The following ATG13 variants were observed in gnomAD, a reference collection of about 807,000 sequenced individuals.
The protein encoded by ATG13 is autophagy-related protein 13.
A neutral mutation model predicts 65.5 loss-of-function variants in ATG13; 23 were observed. The ratio of observed to expected loss-of-function variants is 0.35; its 90% confidence interval spans 0.25 to 0.50. ATG13 has a LOEUF of 0.50. Among genes scored for constraint, ATG13 ranks in the 20% least tolerant of loss-of-function variants. The pLI is 0.98. For missense variants in ATG13, 566 were observed against 677.0 expected (o/e 0.84, Z 1.82); for synonymous variants, 252 against 245.2 (o/e 1.03, Z -0.26).
At chr11:46,657,043 G>T in intron 8 of ATG13, 52 bp from the exon 9 acceptor site, 1 of 1,425,138 alleles carries the variant, frequency 7.0e-7, no homozygotes, top group South Asian at 1.1e-5. Flanking sequence ...CGGTCTGGGG[G>T]CAGTGTCAGT....
At chr11:46,651,034 T>C (rs2058789829) in intron 7 of ATG13, among the ~76,000 whole-genome samples, 1 of 152,348 alleles carries the variant, frequency 6.6e-6, no homozygotes, top group Non-Finnish European at 1.5e-5. Context: ...TGTCTGTGGA[T>C]ATAAAGAATG....
chr11:46,672,431 C>G lies in ATG13; in HGVS notation c.*99C>G. Reference sequence around the variant, plus strand: ...CTCCCACCCCTCATCCTGCTCTGAGCCAGGTGGAAGGGAGGCTGGCTTCTC... The same window carrying G: ...CTCCCACCCCTCATCCTGCTCTGAGGCAGGTGGAAGGGAGGCTGGCTTCTC... On this transcript the variant is annotated 3_prime_UTR_variant, in exon 19 of 19. Transcript: ENST00000683050. 1.3e-6 allele frequency: 2 copies of G among 1,598,000 alleles called. No individual in the cohort carries two copies. The highest frequency in any genetic ancestry group is 1.7e-6 in the Non-Finnish European group (2 of 1,171,062).
chr11:46,645,024 T>C, intron 3 of ATG13, among the ~76,000 whole-genome samples: 1 of 152,208 alleles, frequency 6.6e-6, no homozygotes, highest in East Asian at 1.9e-4. Context: ...TGGACACGTT[T>C]CTTTATGAAC....
intron 1 of ATG13, among the ~76,000 whole-genome samples, chr11:46,623,080 G>A (rs575204944): frequency 5.7e-4 from 86 of 152,104 alleles, no homozygotes; most frequent in African/African-American, 2.0e-3. Context: ...GGATCACGAG[G>A]TCGGGAGACC....
At chr11:46,661,611 C>T (rs1285979493) in intron 11 of ATG13, among the ~76,000 whole-genome samples, 2 of 150,892 alleles carry the variant, frequency 1.3e-5, no homozygotes, top group East Asian at 2.0e-4. Flanking sequence ...GAGGGAGGAT[C>T]GCCTGAGCCC....
chr11:46,654,283 T>TTATATATATATA (rs376147806), intron 7 of ATG13, among the ~76,000 whole-genome samples: 25 of 122,308 alleles, frequency 2.0e-4, no homozygotes, highest in East Asian at 4.5e-4. Context: ...TTTTAAAATT[T>TTATATATATATA]TATATATATA....
intron 7 of ATG13, among the ~76,000 whole-genome samples, chr11:46,652,775 T>C (rs906206869): frequency 6.6e-6 from 1 of 152,174 alleles, no homozygotes; most frequent in African/African-American, 2.4e-5. Context: ...AGTATTTACA[T>C]GAATAGTGAA....
intron 1 of ATG13, among the ~76,000 whole-genome samples, chr11:46,626,551 G>A (rs2049738866): frequency 6.6e-6 from 1 of 152,062 alleles, no homozygotes; most frequent in African/African-American, 2.4e-5. Flanking sequence ...CGCCCGGCCT[G>A]GGTATTGATT....
intron 7 of ATG13, among the ~76,000 whole-genome samples, chr11:46,654,034 T>G (rs1467691084): frequency 6.6e-6 from 1 of 151,736 alleles, no homozygotes; most frequent in Non-Finnish European, 1.5e-5. Context: ...CATAGGAAGG[T>G]TCCACTGTGT....
At chr11:46,667,095 G>A (rs1415391980) in intron 14 of ATG13, among the ~76,000 whole-genome samples, 1 of 152,174 alleles carries the variant, frequency 6.6e-6, no homozygotes, top group African/African-American at 2.4e-5. Flanking sequence ...GCCCCTGTGT[G>A]GAAATTCTTA....
chr11:46,630,853 C>T (rs907525941), intron 2 of ATG13: 5 of 152,136 alleles, frequency 3.3e-5, no homozygotes, highest in African/African-American at 7.2e-5. Flanking sequence ...AGGTGCATGC[C>T]ACCACAACTG....
chr11:46,628,863 A>G (rs1010246850), intron 1 of ATG13, among the ~76,000 whole-genome samples: 1 of 152,062 alleles, frequency 6.6e-6, no homozygotes, highest in Admixed American at 6.6e-5. Flanking sequence ...AAAACATGGA[A>G]ATTCCTATCA....
At chr11:46,644,234 C>A in intron 2 of ATG13, 45 bp from the exon 3 acceptor site, 1 of 1,418,134 alleles carries the variant, frequency 7.1e-7, no homozygotes, top group South Asian at 1.3e-5. Flanking sequence ...GTATCAATGC[C>A]TTTTTAAAGA....
rs1436418537 is a variant in ATG13, at chr11:46,617,865, C to T, written c.-95C>T. 1 of 399,050 alleles carries T rather than the reference C, an allele frequency of 2.5e-6. No homozygotes were observed. The highest frequency in any genetic ancestry group is 4.4e-5 in the Admixed American group (1 of 22,708). The allele number at this position is 399,050 out of a possible 1,614,324, so 24.7% of individuals were successfully genotyped here. ...CGGCCTCCGTAATGAGAGCCCGGAA[C>T]CACTCTTTGTGCCGCAGCTTCGCAG... is the stretch of plus-strand genomic sequence containing the variant. On this transcript the variant is annotated 5_prime_UTR_variant, in exon 1 of 19. Coordinates refer to ENST00000683050, the MANE Select transcript of ATG13 (RefSeq NM_001346311.2).
At position 46,668,719 on chromosome 11, in the gene ATG13, G is replaced by C. The variant is rs950082586; in HGVS notation, c.1330-75G>C. ...TGTAGCCAGCATTAAGTTCTTCCCA[G>C]AATTTTCAGATTGTTTACAGTAACT... On this transcript the variant is annotated intron_variant, in intron 16 of 18. Coordinates refer to ENST00000683050, the MANE Select transcript of ATG13 (RefSeq NM_001346311.2). The C allele has an allele frequency of 3.6e-5, 54 of 1,506,750 alleles. 1 individual carries two copies. The South Asian group carries it at 6.0e-4, about 17-fold the overall frequency. The allele number at this position is 1,506,750 out of a possible 1,614,324, so 93.3% of individuals were successfully genotyped here. A position where few individuals can be genotyped will look rare whatever the true frequency, so the allele number is the denominator to read the frequency against.
intron 10 of ATG13, 176 bp from the exon 11 acceptor site, chr11:46,659,216 T>A (rs1446570573): frequency 1.8e-6 from 1 of 553,638 alleles, no homozygotes; most frequent in Non-Finnish European, 3.2e-6. Context: ...AACCTCTGAG[T>A]GCCACTCTCT....
intron 7 of ATG13, among the ~76,000 whole-genome samples, chr11:46,654,366 G>T (rs1311168320): frequency 2.8e-5 from 4 of 145,052 alleles, no homozygotes; most frequent in African/African-American, 1.0e-4. Flanking sequence ...GTACATTCTG[G>T]TCAGGTATGG....
Position 46,645,894 on chromosome 11 carries a change from C to G in ATG13, c.175C>G (p.Pro59Ala), listed in dbSNP as rs774409200. The G allele has an allele frequency of 4.3e-6, 7 of 1,614,124 alleles. No homozygotes were observed. The South Asian group carries it at 6.6e-5, about 15-fold the overall frequency. ...DWFNLAIKDIPEVTHEAKKAL... is the reference protein window; with the variant it reads ...DWFNLAIKDIAEVTHEAKKAL... ...GTTCAACTTAGCAATCAAAGACATC[C>G]CAGAGGTTACACATGAAGCAAAGAA... Residue 59 changes from proline to alanine, a missense_variant, in exon 5 of 19, where the codon CCA becomes GCA. Physicochemically the swap from Pro to Ala is conservative, Grantham distance 27. This residue lies in a region of ATG13 where 179 missense variants were observed against 267.2 expected (regional missense o/e 0.67). Coordinates refer to ENST00000683050, the MANE Select transcript of ATG13 (RefSeq NM_001346311.2).
chr11:46,641,029 G>T (rs1329292146), intron 2 of ATG13, among the ~76,000 whole-genome samples: 4 of 152,190 alleles, frequency 2.6e-5, no homozygotes, highest in Non-Finnish European at 5.9e-5. Flanking sequence ...ATAAGAATAT[G>T]ATAGCTAAAA....
Sources: gnomAD v4.1 joint callset for allele counts (sites outside exome capture counted in the v4.1 genomes callset) on GRCh38, gnomAD v4.1.1 for gene constraint, gnomAD v4.1.1 regional missense constraint, MANE v1.5 for transcripts, NCBI Gene and HGNC (gene_info 2026-07-23, HGNC 2026-07-21) for gene names.